Variants in CNTN5 observed in about 807,000 individuals in gnomAD.
CNTN5 encodes the protein contactin 5, also known as contactin-5.
A neutral mutation model predicts 129.1 loss-of-function variants in CNTN5; 77 were observed. That is an observed-to-expected ratio of 0.60 (90% CI 0.50 to 0.72). The LOEUF (loss-of-function observed/expected upper bound fraction) is 0.72, where lower values mean the gene tolerates loss of function less well. Ranked by LOEUF, CNTN5 falls within the 30% of genes least tolerant of loss-of-function variation. The pLI, the probability that CNTN5 is intolerant of heterozygous loss-of-function variation, is 0.00. For missense variants in CNTN5, 1,478 were observed against 1,328.8 expected, an observed-to-expected ratio of 1.11 and a Z score of -1.75; for synonymous variants, 509 against 465.6, an observed-to-expected ratio of 1.09 and a Z score of -1.20.
chr11:99,353,930 T>C (rs1306006840), intron 2 of CNTN5, among the ~76,000 whole-genome samples: 1 of 152,210 alleles, frequency 6.6e-6, no homozygotes, highest in African/African-American at 2.4e-5. Flanking sequence ...GTGAAGGCTG[T>C]TCCTCAGTTG....
At chr11:99,718,976 G>C (rs1481090128) in intron 3 of CNTN5, among the ~76,000 whole-genome samples, 2 of 151,996 alleles carry the variant, frequency 1.3e-5, no homozygotes, top group African/African-American at 4.8e-5. Flanking sequence ...TCAAGATAAA[G>C]AAAAAATGAT....
chr11:99,859,014 C>G (rs1948126995), intron 6 of CNTN5, among the ~76,000 whole-genome samples: 1 of 152,116 alleles, frequency 6.6e-6, no homozygotes, highest in African/African-American at 2.4e-5. Context: ...AAGGAGGTAA[C>G]CAACTTGCTC....
intron 3 of CNTN5, among the ~76,000 whole-genome samples, chr11:99,711,348 G>T (rs1210759357): frequency 1.3e-5 from 2 of 151,786 alleles, no homozygotes; most frequent in African/African-American, 2.4e-5. Flanking sequence ...GTTATTCATG[G>T]TTTAATCACA....
At chr11:99,279,115 G>A (rs890924191) in intron 1 of CNTN5, among the ~76,000 whole-genome samples, 20 of 151,762 alleles carry the variant, frequency 1.3e-4, no homozygotes, top group African/African-American at 4.8e-4. Context: ...ACCATTTGGT[G>A]TTTTGTTATT....
chr11:99,151,759 T>C lies in CNTN5; in HGVS notation c.-210+130489T>C, dbSNP rs1860067791. ...TGAGTTCATGTCCTTTGCAGGGACA[T>C]GGATGAAGCCGGAAACCATCATTCT... On this transcript the variant is annotated intron_variant, in intron 1 of 24. Coordinates refer to ENST00000524871, the MANE Select transcript of CNTN5 (RefSeq NM_014361.4). 2.6e-5 allele frequency among the ~76,000 whole-genome samples: 4 copies of C among 152,136 alleles called. No homozygotes were observed. The South Asian group carries it at 8.3e-4, about 32-fold the overall frequency.
intron 3 of CNTN5, among the ~76,000 whole-genome samples, chr11:99,657,847 A>G (rs1327135522): frequency 2.0e-5 from 3 of 152,118 alleles, no homozygotes; most frequent in African/African-American, 7.2e-5. Flanking sequence ...ATTGATTTTG[A>G]AGGATGAGAT....
intron 3 of CNTN5, among the ~76,000 whole-genome samples, chr11:99,772,937 T>A (rs544527747): frequency 6.6e-6 from 1 of 152,164 alleles, no homozygotes; most frequent in Non-Finnish European, 1.5e-5. Flanking sequence ...AGTCAGAATT[T>A]TAGATTTTTT....
chr11:99,651,159 G>A (rs1423434665), intron 3 of CNTN5, among the ~76,000 whole-genome samples: 1 of 151,890 alleles, frequency 6.6e-6, no homozygotes, highest in Non-Finnish European at 1.5e-5. Flanking sequence ...AATAATTTGA[G>A]GACATATATC....
intron 9 of CNTN5, among the ~76,000 whole-genome samples, chr11:100,040,875 C>T (rs1397337940): frequency 6.6e-6 from 1 of 152,180 alleles, no homozygotes; most frequent in Non-Finnish European, 1.5e-5. Flanking sequence ...TGCCGTCTGT[C>T]ACCCCTTTCT....
chr11:99,382,844 A>AATTTTTTTTT (rs774797660), intron 2 of CNTN5, among the ~76,000 whole-genome samples: 1 of 69,402 alleles, frequency 1.4e-5, no homozygotes, highest in Non-Finnish European at 2.4e-5. Flanking sequence ...TCTCTAAATA[A>AATTTTTTTTT]CTTTTTTTTT....
intron 3 of CNTN5, among the ~76,000 whole-genome samples, chr11:99,730,865 T>C (rs1943507383): frequency 6.6e-6 from 1 of 152,218 alleles, no homozygotes; most frequent in Admixed American, 6.5e-5. Flanking sequence ...GTCACTCTGC[T>C]GTGCTAGAGA....
intron 2 of CNTN5, among the ~76,000 whole-genome samples, chr11:99,425,157 A>G (rs1943063709): frequency 6.6e-6 from 1 of 152,104 alleles, no homozygotes; most frequent in Non-Finnish European, 1.5e-5. Context: ...TGAGCTCCTA[A>G]GGGAAAAATT....
intron 2 of CNTN5, among the ~76,000 whole-genome samples, chr11:99,520,151 T>C (rs1398196394): frequency 6.6e-6 from 1 of 152,122 alleles, no homozygotes; most frequent in Non-Finnish European, 1.5e-5. Flanking sequence ...AAAGTATTTA[T>C]GTTAGATTCT....
intron 8 of CNTN5, among the ~76,000 whole-genome samples, chr11:99,961,420 A>G (rs913160281): frequency 2.0e-5 from 3 of 152,132 alleles, no homozygotes; most frequent in African/African-American, 7.2e-5. Context: ...ACATTTCCAT[A>G]TATTTCTGAA....
intron 15 of CNTN5, among the ~76,000 whole-genome samples, chr11:100,206,537 C>A (rs573157057): frequency 6.6e-6 from 1 of 152,008 alleles, no homozygotes; most frequent in South Asian, 2.1e-4. Context: ...CATAAGTATA[C>A]GTGTTTTACA....
intron 3 of CNTN5, among the ~76,000 whole-genome samples, chr11:99,744,935 T>A (rs1944006630): frequency 6.6e-6 from 1 of 152,150 alleles, no homozygotes; most frequent in Admixed American, 6.5e-5. Context: ...GGCGTTATTT[T>A]TAGCGTTCTA....
chr11:100,043,366 T>G (rs1389431333), intron 9 of CNTN5, among the ~76,000 whole-genome samples: 2 of 152,174 alleles, frequency 1.3e-5, no homozygotes, highest in Non-Finnish European at 2.9e-5. Context: ...CCAAACAAGT[T>G]TATAGCCACT....
At chr11:99,426,179 CA>C (rs1367714085) in intron 2 of CNTN5, among the ~76,000 whole-genome samples, 5 of 152,090 alleles carry the variant, frequency 3.3e-5, no homozygotes, top group African/African-American at 1.2e-4. Flanking sequence ...TTTTGGACTT[CA>C]GGGGGCCTCA....
At chr11:99,119,402 G>A (rs1858197737) in intron 1 of CNTN5, among the ~76,000 whole-genome samples, 1 of 152,036 alleles carries the variant, frequency 6.6e-6, no homozygotes, top group Non-Finnish European at 1.5e-5. Context: ...TTGGTTTTCT[G>A]TTGCTGTGTT....
Sources: allele counts gnomAD v4.1 joint callset (sites outside exome capture counted in the v4.1 genomes callset), GRCh38; gene constraint gnomAD v4.1.1; transcripts MANE v1.5; gene names NCBI Gene and HGNC (gene_info 2026-07-23, HGNC 2026-07-21).